WWOX: variants seen among roughly 807,000 people sequenced by gnomAD.
WWOX encodes WW domain containing oxidoreductase.
WWOX carries 69 observed loss-of-function variants against 46.2 expected under a neutral mutation model. That is an observed-to-expected ratio of 1.49 (90% CI 1.23 to 1.82). The LOEUF (loss-of-function observed/expected upper bound fraction) is 1.82. Among genes scored for constraint, WWOX ranks in the 40% most tolerant of loss-of-function variants. The probability of loss-of-function intolerance (pLI) is 0.00; values close to 1 mark genes in which losing one functional copy is unlikely to be tolerated. For missense variants in WWOX, 919 were observed against 542.6 expected, an observed-to-expected ratio of 1.69 and a Z score of -6.89; for synonymous variants, 359 against 202.6, an observed-to-expected ratio of 1.77 and a Z score of -6.56.
chr16:78,762,479 G>C (rs2049818599), intron 8 of WWOX, among the ~76,000 whole-genome samples: 1 of 152,172 alleles, frequency 6.6e-6, no homozygotes, highest in African/African-American at 2.4e-5. Flanking sequence ...TTCCTTATGT[G>C]CTCAGCCTGT....
At chr16:78,694,991 C>T (rs2048068913) in intron 8 of WWOX, among the ~76,000 whole-genome samples, 1 of 152,080 alleles carries the variant, frequency 6.6e-6, no homozygotes. Flanking sequence ...ATTCCAATAC[C>T]AGGATTGTAA....
At position 78,432,712 on chromosome 16, in the gene WWOX, C is replaced by G. The variant is rs376672888; in HGVS notation, c.1016C>G (p.Thr339Arg). 1 of 1,614,072 alleles carries G rather than the reference C, an allele frequency of 6.2e-7. No homozygotes were observed. Among genetic ancestry groups the G allele is most frequent in the African/African-American group, 1.3e-5 (1 of 74,920 alleles). The change falls in exon 8 of 9, where the codon ACA (threonine) becomes AGA (arginine). Residue 339 changes from threonine to arginine, a missense_variant. Transcript: ENST00000566780. ...ATTCATCGCAGCTGGTGGGTGTACA[C>G]ACTGCTGTTTACCTTGGCGAGGCCT... ...SNIHRSWWVY[T>R]LLFTLARPFT... is the part of the protein sequence containing the mutation.
intron 5 of WWOX, among the ~76,000 whole-genome samples, chr16:78,310,259 C>G (rs909784486): frequency 2.6e-5 from 4 of 152,182 alleles, no homozygotes; most frequent in African/African-American, 9.7e-5. Context: ...AATTTCACCT[C>G]TATTGTATGT....
At chr16:78,806,035 C>T (rs552030883) in intron 8 of WWOX, among the ~76,000 whole-genome samples, 1 of 152,276 alleles carries the variant, frequency 6.6e-6, no homozygotes, top group South Asian at 2.1e-4. Flanking sequence ...AATCCAAAGC[C>T]ACTTGAGGCT....
chr16:78,445,898 G>T (rs1041317064), intron 8 of WWOX, among the ~76,000 whole-genome samples: 2 of 151,042 alleles, frequency 1.3e-5, no homozygotes, highest in African/African-American at 4.9e-5. Context: ...GCAGGGCAGG[G>T]GAGGGGGGAA....
intron 5 of WWOX, among the ~76,000 whole-genome samples, chr16:78,171,632 A>C (rs1242655042): frequency 6.6e-6 from 1 of 152,136 alleles, no homozygotes; most frequent in African/African-American, 2.4e-5. Flanking sequence ...AAAAAGATAA[A>C]AGCTATTAAT....
chr16:79,084,166 C>T (rs1410633025), intron 8 of WWOX, among the ~76,000 whole-genome samples: 1 of 152,132 alleles, frequency 6.6e-6, no homozygotes, highest in African/African-American at 2.4e-5. Flanking sequence ...AGCTCTCAGG[C>T]ACTCTTGGTG....
chr16:78,939,784 C>G (rs2045815334), intron 8 of WWOX, among the ~76,000 whole-genome samples: 1 of 152,208 alleles, frequency 6.6e-6, no homozygotes, highest in Non-Finnish European at 1.5e-5. Context: ...TCTCCAAATT[C>G]CACTTCCCCT....
intron 8 of WWOX, among the ~76,000 whole-genome samples, chr16:78,719,022 G>A (rs2048633230): frequency 6.6e-6 from 1 of 152,110 alleles, no homozygotes; most frequent in African/African-American, 2.4e-5. Context: ...GGGGGGTTAG[G>A]TGGGTGAAGG....
chr16:78,633,263 A>G (rs1050399025), intron 8 of WWOX, among the ~76,000 whole-genome samples: 8 of 152,266 alleles, frequency 5.3e-5, no homozygotes, highest in African/African-American at 1.9e-4. Flanking sequence ...TTCCATCTCA[A>G]AACAAAACAA....
intron 8 of WWOX, chr16:78,551,314 G>A (rs2044167513): frequency 1.3e-5 from 2 of 152,064 alleles, no homozygotes; most frequent in Non-Finnish European, 2.9e-5. Flanking sequence ...CCAAACTTTT[G>A]TGTAGCATTG....
intron 5 of WWOX, among the ~76,000 whole-genome samples, chr16:78,316,821 C>T (rs546452942): frequency 6.6e-6 from 1 of 152,320 alleles, no homozygotes; most frequent in African/African-American, 2.4e-5. Context: ...TTTTTCAATG[C>T]TGCTTTTTAA....
At chr16:78,761,113 C>G (rs936889272) in intron 8 of WWOX, among the ~76,000 whole-genome samples, 22 of 152,148 alleles carry the variant, frequency 1.4e-4, no homozygotes, top group African/African-American at 5.1e-4. Context: ...GGGGACAGAG[C>G]CAAACCATAT....
intron 5 of WWOX, among the ~76,000 whole-genome samples, chr16:78,193,939 G>A (rs541849468): frequency 5.3e-5 from 8 of 150,870 alleles, no homozygotes; most frequent in South Asian, 4.2e-4. Context: ...GTGCAGTGGC[G>A]TGATCTCGGC....
intron 5 of WWOX, among the ~76,000 whole-genome samples, chr16:78,196,646 G>A (rs528329550): frequency 6.6e-6 from 1 of 152,186 alleles, no homozygotes; most frequent in Non-Finnish European, 1.5e-5. Context: ...GGCGAACCTT[G>A]TCTCCACTGA....
chr16:78,938,750 A>G (rs959730941), intron 8 of WWOX, among the ~76,000 whole-genome samples: 16 of 152,108 alleles, frequency 1.1e-4, no homozygotes, highest in Admixed American at 8.5e-4. Flanking sequence ...AGTGAGCAAG[A>G]TACAGGAGAG....
chr16:78,292,063 C>CTTTTTTT (rs5818123), intron 5 of WWOX, among the ~76,000 whole-genome samples: 1 of 136,956 alleles, frequency 7.3e-6, no homozygotes, highest in Non-Finnish European at 1.6e-5. Flanking sequence ...TGATTTTTAC[C>CTTTTTTT]TTTTTTTTTT....
At chr16:78,134,197 C>T (rs929101083) in intron 4 of WWOX, among the ~76,000 whole-genome samples, 1 of 152,152 alleles carries the variant, frequency 6.6e-6, no homozygotes, top group African/African-American at 2.4e-5. Context: ...AGCAGGATGG[C>T]TTTATTTTAA....
chr16:78,326,591 C>A (rs1210667436), intron 5 of WWOX, among the ~76,000 whole-genome samples: 1 of 100,978 alleles, frequency 9.9e-6, no homozygotes, highest in African/African-American at 5.0e-5. Flanking sequence ...CCCCCCCCCG[C>A]AATGCCTCAA....
Sources: gnomAD v4.1 joint callset for allele counts (sites outside exome capture counted in the v4.1 genomes callset) on GRCh38, gnomAD v4.1.1 for gene constraint, MANE v1.5 for transcripts, NCBI Gene and HGNC (gene_info 2026-07-23, HGNC 2026-07-21) for gene names.